CACUL1: variants seen among roughly 807,000 people sequenced by gnomAD.
CACUL1 encodes the protein CDK2 associated cullin domain 1.
Under a neutral mutation model 45.2 loss-of-function variants are expected in CACUL1, and 13 were observed. The observed-to-expected ratio is 0.29, with a 90% CI of 0.19 to 0.46. The LOEUF (loss-of-function observed/expected upper bound fraction) is 0.46, where lower values mean the gene tolerates loss of function less well. CACUL1 is among the 20% of genes least tolerant of loss of function. The pLI is 1.00. For synonymous variants in CACUL1, 197 were observed against 174.2 expected (o/e 1.13, Z -1.03); for missense variants, 421 against 471.4 (o/e 0.89, Z 0.99).
At chr10:118,717,472 A>C (rs560995183) in intron 3 of CACUL1, among the ~76,000 whole-genome samples, 4 of 152,230 alleles carry the variant, frequency 2.6e-5, no homozygotes, top group African/African-American at 4.8e-5. Flanking sequence ...AAAGAACATC[A>C]CTCCCACTCT....
intron 3 of CACUL1, among the ~76,000 whole-genome samples, chr10:118,723,466 T>C (rs973986179): frequency 3.9e-5 from 6 of 152,220 alleles, no homozygotes; most frequent in Non-Finnish European, 8.8e-5. Context: ...TTGCATATTT[T>C]CCCTTCTTCA....
chr10:118,701,165 G>A (rs1274159970), intron 5 of CACUL1, 141 bp downstream of exon 5: 1 of 461,886 alleles, frequency 2.2e-6, no homozygotes, highest in African/African-American at 2.0e-5. Context: ...AGTGTCTCAG[G>A]TGGGCTTCAA....
rs1845209337 is a variant in CACUL1 at position 118,686,590 on chromosome 10, T to C, written c.1069+8A>G. On this transcript the variant is annotated splice_region_variant and intron_variant, in intron 8 of 8. Transcript: ENST00000369151. ...ACCATCAAGATGGGAAGGAACATCA[T>C]TACTTACTATAAGCCAACTCATCCC... The C allele has an allele frequency of 1.2e-6, 2 of 1,607,540 alleles. No individual in the cohort carries two copies. Among genetic ancestry groups the C allele is most frequent in the Non-Finnish European group, 8.5e-7 (1 of 1,174,130 alleles).
At position 118,685,944 on chromosome 10, in the gene CACUL1, GTTTTT is replaced by G; in HGVS notation, c.*179_*183del. ...AATCACCCCCAAGTCTAGCAGCAAC[GTTTTT>G]TTTTTTTTTAGTTTTTGTTTTAAAA... On this transcript the variant is annotated 3_prime_UTR_variant, in exon 9 of 9. Coordinates refer to ENST00000369151, the MANE Select transcript of CACUL1 (RefSeq NM_153810.5). 1 of 325,890 alleles carries G rather than the reference GTTTTT, an allele frequency of 3.1e-6. No individual in the cohort carries two copies. Among genetic ancestry groups the G allele is most frequent in the Non-Finnish European group, 5.6e-6 (1 of 180,074 alleles). 20.2% of individuals were successfully genotyped at this position (325,890 alleles called of 1,614,324 possible). A position where few individuals can be genotyped will look rare whatever the true frequency, so the allele number is the denominator to read the frequency against.
At position 118,676,692 on chromosome 10, in the gene CACUL1, TAGAA is replaced by T. The variant is rs1845100530; in HGVS notation, c.*9432_*9435del. 6.6e-6 allele frequency: 1 copy of T among 152,240 alleles called. No homozygotes were observed. Among genetic ancestry groups the T allele is most frequent in the African/African-American group, 2.4e-5 (1 of 41,462 alleles). 9.4% of individuals were successfully genotyped at this position (152,240 alleles called of 1,614,324 possible). A position where few individuals can be genotyped will look rare whatever the true frequency, so the allele number is the denominator to read the frequency against. The stretch of plus-strand genomic sequence containing the variant: ...GACTCTCTCTAAAAGAACATTTTTT[TAGAA>T]AGAGCAAAGGTTTATTAACCACAAA... On this transcript the variant is annotated 3_prime_UTR_variant, in exon 9 of 9. Coordinates refer to ENST00000369151, the MANE Select transcript of CACUL1 (RefSeq NM_153810.5).
At chr10:118,703,294 T>C (rs1327593732) in intron 4 of CACUL1, among the ~76,000 whole-genome samples, 1 of 151,976 alleles carries the variant, frequency 6.6e-6, no homozygotes, top group African/African-American at 2.4e-5. Flanking sequence ...TGCATATACA[T>C]GGATATGCTT....
intron 1 of CACUL1, among the ~76,000 whole-genome samples, chr10:118,730,884 C>A (rs555443175): frequency 2.8e-4 from 42 of 152,286 alleles, no homozygotes; most frequent in African/African-American, 9.1e-4. Flanking sequence ...GGATTAAGGT[C>A]CAAATGCTGC....
At position 118,754,421 on chromosome 10, in the gene CACUL1, G is replaced by A; in HGVS notation, c.342C>T (p.Asn114=). ...AGAACTTGGAGGTGGAGGTGTTGAT[G>A]TTGATGGTGGAGCTGGCGGTGGGGG... ...APAPTASSTI[N]INTSTSKFLM... is the part of the protein sequence containing the mutation. The change falls in exon 1 of 9, where the codon AAC becomes AAT. Residue 114 remains asparagine, a synonymous_variant. Transcript: ENST00000369151. 1 of 1,591,430 alleles carries A rather than the reference G, an allele frequency of 6.3e-7. No homozygotes were observed. Among genetic ancestry groups the A allele is most frequent in the South Asian group, 1.1e-5 (1 of 88,390 alleles).
At chr10:118,728,935 T>C (rs1339614442) in intron 3 of CACUL1, among the ~76,000 whole-genome samples, 1 of 152,204 alleles carries the variant, frequency 6.6e-6, no homozygotes, top group Non-Finnish European at 1.5e-5. Context: ...TCAAAGATGA[T>C]AATACGAGTT....
chr10:118,711,185 T>G (rs1385554499), intron 3 of CACUL1, among the ~76,000 whole-genome samples: 1 of 152,206 alleles, frequency 6.6e-6, no homozygotes, highest in African/African-American at 2.4e-5. Flanking sequence ...GTTCAAGGGA[T>G]TGCTCTGTCT....
At chr10:118,737,619 G>A (rs1845752289) in intron 1 of CACUL1, among the ~76,000 whole-genome samples, 1 of 149,250 alleles carries the variant, frequency 6.7e-6, no homozygotes, top group South Asian at 2.1e-4. Context: ...TTACTGCTTA[G>A]AAATCTACAC....
chr10:118,705,162 T>C (rs1401126239), intron 4 of CACUL1, among the ~76,000 whole-genome samples: 2 of 152,242 alleles, frequency 1.3e-5, no homozygotes, highest in African/African-American at 4.8e-5. Flanking sequence ...AAGTTAGCTG[T>C]CTTCCACATT....
chr10:118,721,941 G>T (rs1017938505), intron 3 of CACUL1, among the ~76,000 whole-genome samples: 2 of 152,116 alleles, frequency 1.3e-5, no homozygotes, highest in Non-Finnish European at 2.9e-5. Flanking sequence ...ATGAAATGAG[G>T]AAGTGTCATT....
At position 118,679,993 on chromosome 10, in the gene CACUL1, G is replaced by C. The variant is rs1845138128; in HGVS notation, c.*6135C>G. 2.0e-5 allele frequency: 3 copies of C among 151,932 alleles called. No homozygotes were observed. The South Asian group carries it at 6.2e-4, about 32-fold the overall frequency. 9.4% of individuals were successfully genotyped at this position (151,932 alleles called of 1,614,324 possible). ...TATTAGACATGTAGGTACATTACTA[G>C]AAAGTTTTGAATTGTTATGCCCTTC... On this transcript the variant is annotated 3_prime_UTR_variant, in exon 9 of 9. Coordinates refer to ENST00000369151, the MANE Select transcript of CACUL1 (RefSeq NM_153810.5).
intron 3 of CACUL1, among the ~76,000 whole-genome samples, chr10:118,717,857 C>T (rs1159318730): frequency 6.6e-6 from 1 of 152,100 alleles, no homozygotes; most frequent in Non-Finnish European, 1.5e-5. Context: ...TCTGAGAGGC[C>T]ATCCTCCATA....
chr10:118,693,254 C>G (rs767587652), intron 6 of CACUL1: 3 of 153,964 alleles, frequency 1.9e-5, no homozygotes, highest in Non-Finnish European at 4.3e-5. Context: ...GTAGAACAAA[C>G]TTTTGCTTTC....
intron 3 of CACUL1, among the ~76,000 whole-genome samples, chr10:118,725,590 C>G (rs1478376238): frequency 6.6e-6 from 1 of 152,172 alleles, no homozygotes; most frequent in Non-Finnish European, 1.5e-5. Context: ...TGTATAGATA[C>G]ACATGCAGTG....
At chr10:118,701,878 T>G (rs1034100509) in intron 4 of CACUL1, among the ~76,000 whole-genome samples, 2 of 152,128 alleles carry the variant, frequency 1.3e-5, no homozygotes, top group Admixed American at 6.5e-5. Context: ...CCACCTTTGG[T>G]TCAGAAGTAG....
intron 4 of CACUL1, 69 bp downstream of exon 4, chr10:118,707,423 C>T (rs1845442700): frequency 8.3e-6 from 6 of 721,474 alleles, no homozygotes; most frequent in African/African-American, 1.8e-5. Flanking sequence ...ATGCTTAACT[C>T]TCTGCATCTA....
Sources: allele counts gnomAD v4.1 joint callset (sites outside exome capture counted in the v4.1 genomes callset), GRCh38; gene constraint gnomAD v4.1.1; transcripts MANE v1.5; gene names NCBI Gene and HGNC (gene_info 2026-07-23, HGNC 2026-07-21).